Variants in RBFOX3 observed in about 807,000 individuals in gnomAD.
RBFOX3 encodes RNA binding protein fox-1 homolog 3.
A neutral mutation model predicts 48.7 loss-of-function variants in RBFOX3; 17 were observed. That is an observed-to-expected ratio of 0.35 (90% CI 0.24 to 0.52). The LOEUF is 0.52. Among genes scored for constraint, RBFOX3 ranks in the 20% least tolerant of loss-of-function variants. The pLI is 0.94. For missense variants in RBFOX3, 382 were observed against 497.5 expected, an observed-to-expected ratio of 0.77 and a Z score of 2.21; for synonymous variants, 212 against 209.5, an observed-to-expected ratio of 1.01 and a Z score of -0.10.
At chr17:79,437,859 C>G (rs150719300) in intron 2 of RBFOX3, among the ~76,000 whole-genome samples, 14 of 152,372 alleles carry the variant, frequency 9.2e-5, no homozygotes, top group Non-Finnish European at 2.1e-4. Context: ...GACATACATG[C>G]CCTTCCCTTC....
chr17:79,484,321 G>A (rs1414257368), intron 1 of RBFOX3, among the ~76,000 whole-genome samples: 2 of 152,220 alleles, frequency 1.3e-5, no homozygotes, highest in African/African-American at 4.8e-5. Context: ...AGCAATGCCT[G>A]GGGAACATCT....
At chr17:79,161,560 C>A (rs1194755407) in intron 4 of RBFOX3, among the ~76,000 whole-genome samples, 1 of 152,148 alleles carries the variant, frequency 6.6e-6, no homozygotes, top group Non-Finnish European at 1.5e-5. Flanking sequence ...GTTGAAGTGC[C>A]CTTGCTCTTC....
chr17:79,139,035 C>T (rs987909287), intron 4 of RBFOX3, among the ~76,000 whole-genome samples: 35 of 144,240 alleles, frequency 2.4e-4, no homozygotes, highest in Admixed American at 2.8e-4. Context: ...CACCCACACA[C>T]GCACGCACAC....
chr17:79,478,466 T>C (rs2078293249), intron 2 of RBFOX3, among the ~76,000 whole-genome samples: 3 of 152,252 alleles, frequency 2.0e-5, no homozygotes, highest in Non-Finnish European at 4.4e-5. Context: ...CGCTCCCATC[T>C]CATGCTGTCT....
chr17:79,117,854 A>G (rs1388691033), intron 4 of RBFOX3, among the ~76,000 whole-genome samples: 1 of 152,252 alleles, frequency 6.6e-6, no homozygotes, highest in Non-Finnish European at 1.5e-5. Context: ...GGAAAGCTTC[A>G]GAGAACAATG....
At chr17:79,301,968 A>T (rs1225625806) in intron 3 of RBFOX3, among the ~76,000 whole-genome samples, 1 of 152,108 alleles carries the variant, frequency 6.6e-6, no homozygotes, top group Non-Finnish European at 1.5e-5. Flanking sequence ...GTGGTTTCTA[A>T]ATTGGTGGGG....
chr17:79,457,080 G>T (rs1039875610), intron 2 of RBFOX3, among the ~76,000 whole-genome samples: 1 of 152,188 alleles, frequency 6.6e-6, no homozygotes, highest in Non-Finnish European at 1.5e-5. Flanking sequence ...GTGTAGACAG[G>T]CAGGGTGAGG....
chr17:79,426,638 C>G (rs1555725704), intron 2 of RBFOX3, among the ~76,000 whole-genome samples: 1 of 152,184 alleles, frequency 6.6e-6, no homozygotes, highest in Non-Finnish European at 1.5e-5. Context: ...CACCCCACCT[C>G]ATTTCCAAAT....
rs1186498803 is a variant in RBFOX3, at chr17:79,579,894, T to TG, written c.-320+30931dup. 4.8e-3 allele frequency among the ~76,000 whole-genome samples: 162 copies of TG among 34,040 alleles called. 6 individuals are homozygous for TG. The highest frequency in any genetic ancestry group is 0.02 in the African/African-American group (156 of 7,634). The allele number at this position is 34,040 out of a possible 152,430, so 22.3% of individuals were successfully genotyped here. On this transcript the variant is annotated intron_variant, in intron 1 of 14. Coordinates refer to ENST00000693108, the MANE Select transcript of RBFOX3 (RefSeq NM_001350451.2). ...TGGTGGGGGGTCACTGGCACTGTGG[T>TG]GGGGGGTCACTGGTGCTGTGGTGGG...
Position 79,311,243 on chromosome 17 carries a change from G to C in RBFOX3, c.-174-3419C>G, listed in dbSNP as rs1267954320. Among the ~76,000 whole-genome samples the C allele has an allele frequency of 6.6e-6, 1 of 152,068 alleles. No homozygotes were observed. Among genetic ancestry groups the C allele is most frequent in the Non-Finnish European group, 1.5e-5 (1 of 68,018 alleles). ...AGGTCAGGAGTTCAACACCAGCCTG[G>C]CCAACATGTCAAAACCCCATCTCTA... On this transcript the variant is annotated intron_variant, in intron 2 of 14. Coordinates refer to ENST00000693108, the MANE Select transcript of RBFOX3 (RefSeq NM_001350451.2). This position sits in a 1 kb window ranked among gnomAD's most constrained non-coding sequence, Gnocchi z 4.2.
intron 2 of RBFOX3, among the ~76,000 whole-genome samples, chr17:79,386,883 A>G (rs760031476): frequency 2.6e-5 from 4 of 152,366 alleles, no homozygotes; most frequent in Non-Finnish European, 4.4e-5. Context: ...GCAGGACCCC[A>G]TATTTTGACA....
At chr17:79,653,469 T>C in the RBFOX3 span, among the ~76,000 whole-genome samples, 2 of 152,258 alleles carry the variant, frequency 1.3e-5, no homozygotes, top group Non-Finnish European at 2.9e-5. Context: ...ACAGTTATCA[T>C]TGTTATAGTA....
intron 2 of RBFOX3, among the ~76,000 whole-genome samples, chr17:79,474,894 C>T (rs2149408379): frequency 6.6e-6 from 1 of 152,270 alleles, no homozygotes; most frequent in East Asian, 1.9e-4. Flanking sequence ...TTGGGCCTGA[C>T]TCCTACCTTT....
In RBFOX3 at chr17:79,402,059, G is replaced by A. The variant is rs74000038; in HGVS notation, c.-175+80395C>T. On this transcript the variant is annotated intron_variant, in intron 2 of 14. Coordinates refer to ENST00000693108, the MANE Select transcript of RBFOX3 (RefSeq NM_001350451.2). ...GAGCAGAAGCAGGGGACAATCTGTG[G>A]CCCACCACCAGGAGCCCAGGGTGGA... Among the ~76,000 whole-genome samples the A allele has an allele frequency of 5.3e-3, 804 of 152,322 alleles. 7 individuals are homozygous for A. Among genetic ancestry groups the A allele is most frequent in the African/African-American group, 0.016 (666 of 41,568 alleles).
intron 4 of RBFOX3, among the ~76,000 whole-genome samples, chr17:79,121,960 G>C (rs1053825044): frequency 6.6e-6 from 1 of 152,024 alleles, no homozygotes; most frequent in African/African-American, 2.4e-5. Context: ...ATACACTTTG[G>C]GGGTTTGACG....
chr17:79,239,604 ACT>A (rs984127416), intron 3 of RBFOX3, among the ~76,000 whole-genome samples: 33 of 151,524 alleles, frequency 2.2e-4, no homozygotes, highest in African/African-American at 7.3e-4. Flanking sequence ...ACAACTCCAC[ACT>A]CTTCCTGGGG....
intron 2 of RBFOX3, among the ~76,000 whole-genome samples, chr17:79,430,547 A>G (rs2068241333): frequency 6.6e-6 from 1 of 152,120 alleles, no homozygotes; most frequent in Non-Finnish European, 1.5e-5. Context: ...TGCTCGACTA[A>G]TATTATTATT....
intron 1 of RBFOX3, among the ~76,000 whole-genome samples, chr17:79,531,071 G>T (rs1047645426): frequency 6.6e-6 from 1 of 152,214 alleles, no homozygotes; most frequent in African/African-American, 2.4e-5. Flanking sequence ...GCTCCTCCCC[G>T]CCAGGACTTA....
Position 79,111,047 on chromosome 17 carries a change from C to T in RBFOX3, c.223-4259G>A, listed in dbSNP as rs1439148123. 6.6e-6 allele frequency among the ~76,000 whole-genome samples: 1 copy of T among 152,224 alleles called. No homozygotes were observed. The highest frequency in any genetic ancestry group is 6.5e-5 in the Admixed American group (1 of 15,286). ...AGAGGGCCTTGGCCAGACTGTGAAG[C>T]CTGTAGTTATAGATGAGGTGGTCCA... On this transcript the variant is annotated intron_variant, in intron 5 of 14. Coordinates refer to ENST00000693108, the MANE Select transcript of RBFOX3 (RefSeq NM_001350451.2). This position sits in a 1 kb window ranked among gnomAD's most constrained non-coding sequence, Gnocchi z 4.2.
Sources: gnomAD v4.1 joint callset for allele counts (sites outside exome capture counted in the v4.1 genomes callset) on GRCh38, gnomAD v4.1.1 for gene constraint, Gnocchi (gnomAD v3.1) non-coding constraint, MANE v1.5 for transcripts, NCBI Gene and HGNC (gene_info 2026-07-23, HGNC 2026-07-21) for gene names.